PDE1C: variants seen among roughly 807,000 people sequenced by gnomAD.
The protein encoded by PDE1C is phosphodiesterase 1C.
A neutral mutation model predicts 93.1 loss-of-function variants in PDE1C; 62 were observed. That is an observed-to-expected ratio of 0.67 (90% CI 0.54 to 0.82). PDE1C has a LOEUF of 0.82. PDE1C is among the 40% of genes least tolerant of loss of function. The probability of loss-of-function intolerance (pLI) is 0.00; values close to 1 mark genes in which losing one functional copy is unlikely to be tolerated. For synonymous variants in PDE1C, 325 were observed against 310.1 expected (o/e 1.05, Z -0.50); for missense variants, 742 against 884.6 (o/e 0.84, Z 2.04).
chr7:32,199,386 C>T (rs1202294603), intron 2 of PDE1C, among the ~76,000 whole-genome samples: 1 of 152,156 alleles, frequency 6.6e-6, no homozygotes, highest in Admixed American at 6.5e-5. Flanking sequence ...TCCATATTCT[C>T]TCTGGTCTTT....
At chr7:32,241,086 C>T (rs1808512546) in intron 1 of PDE1C, among the ~76,000 whole-genome samples, 1 of 152,074 alleles carries the variant, frequency 6.6e-6, no homozygotes, top group South Asian at 2.1e-4. Context: ...GAGGGCCGGA[C>T]CAATTTGGTT....
At chr7:31,795,808 T>C (rs1785212790) in intron 16 of PDE1C, among the ~76,000 whole-genome samples, 1 of 151,636 alleles carries the variant, frequency 6.6e-6, no homozygotes, top group African/African-American at 2.4e-5. Flanking sequence ...GATTGGTTAA[T>C]AGATATTCCC....
chr7:32,381,841 T>C (rs1784541437), intron 1 of PDE1C, among the ~76,000 whole-genome samples: 1 of 152,194 alleles, frequency 6.6e-6, no homozygotes, highest in African/African-American at 2.4e-5. Context: ...CGCACTGGGA[T>C]ATCGGCTCTC....
intron 1 of PDE1C, among the ~76,000 whole-genome samples, chr7:32,283,590 G>T (rs1370910510): frequency 6.6e-6 from 1 of 152,176 alleles, no homozygotes; most frequent in Non-Finnish European, 1.5e-5. Context: ...TAGCATGAAA[G>T]AAAGCACCAT....
the PDE1C span, among the ~76,000 whole-genome samples, chr7:31,649,097 G>A: frequency 6.6e-6 from 1 of 152,180 alleles, no homozygotes; most frequent in Non-Finnish European, 1.5e-5. Context: ...TTGCAAAATT[G>A]ATGCAAGAGC....
chr7:31,742,129 G>T, the PDE1C span, among the ~76,000 whole-genome samples: 4 of 152,204 alleles, frequency 2.6e-5, no homozygotes, highest in African/African-American at 7.2e-5. Flanking sequence ...TGAAGAAAGA[G>T]AATGAGACTG....
At chr7:31,831,783 T>TGAA (rs373109252) in intron 11 of PDE1C, among the ~76,000 whole-genome samples, 4 of 149,324 alleles carry the variant, frequency 2.7e-5, no homozygotes, top group South Asian at 4.3e-4. Context: ...AAGAAAAAGG[T>TGAA]GAAGAAGAAG....
intron 17 of PDE1C, among the ~76,000 whole-genome samples, chr7:31,774,822 G>T (rs1795722375): frequency 6.6e-6 from 1 of 152,178 alleles, no homozygotes; most frequent in African/African-American, 2.4e-5. Flanking sequence ...AGACAGGAAG[G>T]AGAGGTAATC....
chr7:31,668,791 A>G, the PDE1C span, among the ~76,000 whole-genome samples: 5 of 117,184 alleles, frequency 4.3e-5, no homozygotes, highest in Admixed American at 1.9e-4. Context: ...TATACTAAAA[A>G]CCAGTACATT....
At chr7:32,266,341 A>C (rs1013194362) in intron 1 of PDE1C, among the ~76,000 whole-genome samples, 3 of 151,796 alleles carry the variant, frequency 2.0e-5, no homozygotes, top group African/African-American at 7.3e-5. Context: ...AAGCCCTGGA[A>C]CCCAGTTGAG....
At chr7:32,087,749 G>C (rs1797194470) in intron 3 of PDE1C, among the ~76,000 whole-genome samples, 1 of 151,234 alleles carries the variant, frequency 6.6e-6, no homozygotes, top group South Asian at 2.1e-4. Flanking sequence ...ACTATCACAA[G>C]GACAGAAAAC....
intron 1 of PDE1C, among the ~76,000 whole-genome samples, chr7:32,214,975 T>TTGATGATGATGATGATGATGA (rs143895270): frequency 6.6e-6 from 1 of 151,116 alleles, no homozygotes; most frequent in Non-Finnish European, 1.5e-5. Context: ...GGGAAGTGAC[T>TTGATGATGATGATGATGATGA]TGATGATGAT....
At chr7:32,286,055 T>A (rs1320365219) in intron 1 of PDE1C, among the ~76,000 whole-genome samples, 2 of 152,218 alleles carry the variant, frequency 1.3e-5, no homozygotes, top group East Asian at 1.9e-4. Context: ...AGGCACTAAC[T>A]AATGTTTGTA....
At chr7:32,170,967 C>A (rs1802610435) in intron 2 of PDE1C, among the ~76,000 whole-genome samples, 2 of 152,118 alleles carry the variant, frequency 1.3e-5, no homozygotes, top group Non-Finnish European at 1.5e-5. Context: ...GCTCCAGCCC[C>A]CTGAAGTCAT....
At chr7:32,088,791 C>T (rs1159533268) in intron 3 of PDE1C, among the ~76,000 whole-genome samples, 1 of 152,116 alleles carries the variant, frequency 6.6e-6, no homozygotes, top group Non-Finnish European at 1.5e-5. Context: ...GGAGAAGAGG[C>T]TGCAAGGAAA....
chr7:31,759,769 T>G (rs1453281675), intron 17 of PDE1C, among the ~76,000 whole-genome samples: 1 of 152,216 alleles, frequency 6.6e-6, no homozygotes, highest in Non-Finnish European at 1.5e-5. Context: ...AACTCTCAAT[T>G]GTTTAATTAT....
chr7:31,979,875 C>T (rs1167296017), intron 2 of PDE1C, among the ~76,000 whole-genome samples: 5 of 152,206 alleles, frequency 3.3e-5, no homozygotes, highest in African/African-American at 1.2e-4. Flanking sequence ...ATCCATCTTC[C>T]TGACAGGTGA....
the PDE1C span, among the ~76,000 whole-genome samples, chr7:31,680,414 G>A: frequency 6.6e-6 from 1 of 152,146 alleles, no homozygotes; most frequent in East Asian, 1.9e-4. Flanking sequence ...GGAGTGAAGT[G>A]GAAGAAAGAA....
chr7:32,399,795 G>C (rs1784908761), intron 1 of PDE1C, among the ~76,000 whole-genome samples: 1 of 151,806 alleles, frequency 6.6e-6, no homozygotes, highest in African/African-American at 2.4e-5. Flanking sequence ...TTTTGGTCAG[G>C]CTGGTCTTGA....
Sources: gnomAD v4.1 joint callset for allele counts (sites outside exome capture counted in the v4.1 genomes callset) on GRCh38, gnomAD v4.1.1 for gene constraint, MANE v1.5 for transcripts, NCBI Gene and HGNC (gene_info 2026-07-23, HGNC 2026-07-21) for gene names.